Variants in ALK observed in about 807,000 individuals in gnomAD.
The protein encoded by ALK is ALK tyrosine kinase receptor.
ALK carries 74 observed loss-of-function variants against 163.1 expected under a neutral mutation model. The observed-to-expected ratio is 0.45, with a 90% CI of 0.38 to 0.55. The LOEUF (loss-of-function observed/expected upper bound fraction) is 0.55. ALK is among the 20% of genes least tolerant of loss of function. The pLI, the probability that ALK is intolerant of heterozygous loss-of-function variation, is 0.00. For missense variants in ALK, 2,063 were observed against 2,105.3 expected (o/e 0.98, Z 0.39); for synonymous variants, 960 against 843.2 (o/e 1.14, Z -2.40).
intron 2 of ALK, among the ~76,000 whole-genome samples, chr2:29,695,770 A>G (rs1040169937): frequency 1.3e-5 from 2 of 152,252 alleles, no homozygotes; most frequent in Admixed American, 1.3e-4. Flanking sequence ...AAAAAAGCTC[A>G]TCATTACTGG....
chr2:29,232,483 G>C, intron 14 of ALK, 35 bp from the exon 15 acceptor site: 2 of 1,613,782 alleles, frequency 1.2e-6, no homozygotes, highest in Non-Finnish European at 1.7e-6. Flanking sequence ...TTGAGAAACC[G>C]AGCTGTGCTT....
At chr2:29,837,110 T>G (rs1216868496) in intron 1 of ALK, among the ~76,000 whole-genome samples, 1 of 152,240 alleles carries the variant, frequency 6.6e-6, no homozygotes, top group Non-Finnish European at 1.5e-5. Context: ...TTTAAACCAC[T>G]GATATTTTGA....
intron 1 of ALK, among the ~76,000 whole-genome samples, chr2:29,817,876 C>T (rs778931336): frequency 6.6e-6 from 1 of 152,166 alleles, no homozygotes; most frequent in Non-Finnish European, 1.5e-5. Flanking sequence ...AGGATGCCTT[C>T]TATAGAAATT....
In ALK at chr2:29,193,632, A is replaced by C. The variant is rs765346559; in HGVS notation, c.4455T>G (p.Pro1485=). Residue 1485 remains proline (P), a synonymous_variant, in exon 29 of 29, where the codon CCT becomes CCG. Coordinates refer to ENST00000389048, the MANE Select transcript of ALK (RefSeq NM_004304.5). ...HVNMAFSQSN[P]PSELHKVHGS... is the part of the protein sequence containing the mutation. ...CGTGGACCTTGTGCAACTCCGAAGG[A>C]GGGTTGGACTGAGAGAATGCCATAT... 7.4e-6 allele frequency: 12 copies of C among 1,614,072 alleles called. No homozygotes were observed. In the African/African-American group the frequency reaches 1.5e-4, roughly 20 times the overall value.
intron 5 of ALK, among the ~76,000 whole-genome samples, chr2:29,366,481 G>A (rs1191473292): frequency 1.3e-5 from 2 of 152,186 alleles, no homozygotes; most frequent in Admixed American, 1.3e-4. Flanking sequence ...GGGTCTCAGT[G>A]TCGCCCTGAG....
intron 1 of ALK, among the ~76,000 whole-genome samples, chr2:29,750,647 G>A (rs904997250): frequency 1.2e-5 from 1 of 81,252 alleles, no homozygotes; most frequent in Admixed American, 1.1e-4. Flanking sequence ...AAGGAAGGAA[G>A]GAAGGAAGGA....
chr2:29,475,994 G>C (rs997321488), intron 4 of ALK, among the ~76,000 whole-genome samples: 1 of 152,212 alleles, frequency 6.6e-6, no homozygotes, highest in Non-Finnish European at 1.5e-5. Flanking sequence ...TCGGACAGAT[G>C]GGGCAGGGAC....
At chr2:29,718,317 A>T (rs1679322920) in intron 1 of ALK, among the ~76,000 whole-genome samples, 1 of 152,188 alleles carries the variant, frequency 6.6e-6, no homozygotes, top group African/African-American at 2.4e-5. Flanking sequence ...AGCAGCAGAG[A>T]AGCATTATTC....
At chr2:29,240,463 C>G (rs547543292) in intron 12 of ALK, among the ~76,000 whole-genome samples, 14 of 152,010 alleles carry the variant, frequency 9.2e-5, no homozygotes, top group Admixed American at 9.2e-4. Flanking sequence ...TTATTAATGA[C>G]GGTAGTAGCC....
intron 4 of ALK, among the ~76,000 whole-genome samples, chr2:29,529,985 G>A (rs1380586980): frequency 6.6e-6 from 1 of 151,998 alleles, no homozygotes; most frequent in Non-Finnish European, 1.5e-5. Context: ...TGGAGGGAAG[G>A]CTGCCCCTGA....
At chr2:29,583,399 T>C (rs767614164) in intron 3 of ALK, among the ~76,000 whole-genome samples, 3 of 152,252 alleles carry the variant, frequency 2.0e-5, no homozygotes, top group Middle Eastern at 6.8e-3. Flanking sequence ...CACTGGTCAA[T>C]GGGGAATTTT....
intron 2 of ALK, among the ~76,000 whole-genome samples, chr2:29,700,062 T>C (rs1169696237): frequency 6.6e-6 from 1 of 152,156 alleles, no homozygotes; most frequent in Non-Finnish European, 1.5e-5. Context: ...TCTCTGAAGG[T>C]CAGTGATTCT....
intron 26 of ALK, among the ~76,000 whole-genome samples, chr2:29,201,835 A>G (rs1006211496): frequency 6.6e-6 from 1 of 151,186 alleles, no homozygotes; most frequent in African/African-American, 2.4e-5. Flanking sequence ...CTCCACTGCC[A>G]CCACCAAGCC....
chr2:29,539,509 T>C (rs1271273868), intron 3 of ALK, among the ~76,000 whole-genome samples: 4 of 152,196 alleles, frequency 2.6e-5, no homozygotes, highest in Non-Finnish European at 5.9e-5. Context: ...TGTTTTACTT[T>C]GATTATTCTC....
At chr2:29,795,796 GTAT>G (rs1664293597) in intron 1 of ALK, among the ~76,000 whole-genome samples, 1 of 152,078 alleles carries the variant, frequency 6.6e-6, no homozygotes, top group South Asian at 2.1e-4. Flanking sequence ...TTGGTGGGTA[GTAT>G]TATGAACAAT....
chr2:29,702,838 G>A (rs1191772032), intron 2 of ALK, among the ~76,000 whole-genome samples: 2 of 152,208 alleles, frequency 1.3e-5, no homozygotes, highest in Admixed American at 6.5e-5. Flanking sequence ...GGAAAAAGCT[G>A]CCCCCACGAT....
intron 1 of ALK, among the ~76,000 whole-genome samples, chr2:29,900,449 C>A (rs956451772): frequency 1.3e-5 from 2 of 152,252 alleles, no homozygotes; most frequent in Non-Finnish European, 2.9e-5. Context: ...CCTCTTCTGG[C>A]TTCCTCACTC....
chr2:29,251,463 CTGA>C, intron 11 of ALK, among the ~76,000 whole-genome samples, 196 bp from the exon 12 acceptor site: 1 of 152,374 alleles, frequency 6.6e-6, no homozygotes, highest in South Asian at 2.1e-4. Context: ...GTGCCAGACC[CTGA>C]GTCAGAGACA....
chr2:29,745,805 G>A (rs1680194164), intron 1 of ALK, among the ~76,000 whole-genome samples: 1 of 152,174 alleles, frequency 6.6e-6, no homozygotes, highest in African/African-American at 2.4e-5. Context: ...ATAGTGCCTG[G>A]CAGAGAGTAG....
Sources: allele counts gnomAD v4.1 joint callset (sites outside exome capture counted in the v4.1 genomes callset), GRCh38; gene constraint gnomAD v4.1.1; transcripts MANE v1.5; gene names NCBI Gene and HGNC (gene_info 2026-07-23, HGNC 2026-07-21).